Variants in COL20A1 observed in about 807,000 individuals in gnomAD.
The protein encoded by COL20A1 is collagen alpha-1(XX) chain.
COL20A1 carries 164 observed loss-of-function variants against 152.9 expected under a neutral mutation model. The ratio of observed to expected loss-of-function variants is 1.07; its 90% CI spans 0.94 to 1.22. The LOEUF is 1.22. Ranked by LOEUF, COL20A1 falls within the 50% of genes most tolerant of loss-of-function variation. COL20A1 has a pLI of 0.00. For missense variants in COL20A1, 1,873 were observed against 1,744.8 expected (o/e 1.07, Z -1.31); for synonymous variants, 864 against 756.0 (o/e 1.14, Z -2.34).
At chr20:63,301,534 T>C (rs2067863417) in intron 3 of COL20A1, among the ~76,000 whole-genome samples, 2 of 152,252 alleles carry the variant, frequency 1.3e-5, no homozygotes, top group Admixed American at 6.5e-5. Context: ...ATTCTAATTG[T>C]AGATGTGTCT....
chr20:63,311,416 G>C lies in COL20A1; in HGVS notation c.1416G>C (p.Ala472=). 1 of 1,579,590 alleles carries C rather than the reference G, an allele frequency of 6.3e-7. No homozygotes were observed. Residue 472 remains alanine, a synonymous_variant, in exon 12 of 36, where the codon GCG becomes GCC. Transcript: ENST00000358894. The surrounding 1 kb of genome is among the most constrained non-coding windows in gnomAD (Gnocchi z 4.4). The stretch of plus-strand genomic sequence containing the variant: ...CAGCACCTCTGCCTCCGCCCCGGGC[G>C]CTGACCCTGGCCGCAGTGACGCCCA... ...VTTAPLPPPR[A]LTLAAVTPRT...
chr20:63,307,828 A>C (rs1458694767), intron 6 of COL20A1, 143 bp from the exon 7 acceptor site: 1 of 1,200,828 alleles, frequency 8.3e-7, no homozygotes, highest in African/African-American at 1.5e-5. Context: ...CTGGCTCTGC[A>C]AGCGTCCTCT....
In COL20A1 at chr20:63,307,956, G is replaced by GC. The variant is rs758627211; in HGVS notation, c.656-11dup. 35 of 1,611,124 alleles carry GC rather than the reference G, an allele frequency of 2.2e-5. No homozygotes were observed. The Middle Eastern group carries it at 5.0e-4, about 23-fold the overall frequency. Reference sequence around the variant, plus strand: ...CATTGGAAACTCAGCCCGTGGCCATGCCCCTGCTCCCCAGGCCTGACTCAG... The same window carrying GC: ...CATTGGAAACTCAGCCCGTGGCCATGCCCCCTGCTCCCCAGGCCTGACTCAG... On this transcript the variant is annotated splice_polypyrimidine_tract_variant and intron_variant, in intron 6 of 35. Coordinates refer to ENST00000358894, the MANE Select transcript of COL20A1 (RefSeq NM_020882.4).
rs1288993953 is a variant in COL20A1, at chr20:63,331,458, C to T, written c.*742C>T. The T allele has an allele frequency of 2.0e-4, 31 of 152,360 alleles. No homozygotes were observed. The highest frequency in any genetic ancestry group is 2.0e-3 in the Admixed American group (31 of 15,290). 9.4% of individuals were successfully genotyped at this position (152,360 alleles called of 1,614,324 possible). ...GACTTGGCACCATCAGCCCCTGGTC[C>T]TTAGGGTCTCAGAGCAAGGTCATCC... is the stretch of plus-strand genomic sequence containing the variant. On this transcript the variant is annotated 3_prime_UTR_variant, in exon 36 of 36. Transcript: ENST00000358894.
chr20:63,309,268 C>T, intron 8 of COL20A1, 65 bp from the exon 9 acceptor site: 3 of 1,289,054 alleles, frequency 2.3e-6, no homozygotes, highest in Non-Finnish European at 3.0e-6. Context: ...TGGAGACCCC[C>T]ACCGCAGGTG....
At chr20:63,298,090 C>G in intron 3 of COL20A1, 70 bp downstream of exon 3, 1 of 1,047,028 alleles carries the variant, frequency 9.6e-7, no homozygotes, top group East Asian at 2.5e-5. Context: ...GTGGTGGCCG[C>G]AGCCACCACT....
intron 27 of COL20A1, chr20:63,324,958 C>A (rs1405351620): frequency 3.9e-6 from 1 of 257,522 alleles, no homozygotes; most frequent in African/African-American, 2.3e-5. Context: ...TTCTGCAGCG[C>A]CCCCCACACC....
At chr20:63,296,945 C>T (rs1008127852) in intron 2 of COL20A1, among the ~76,000 whole-genome samples, 7 of 152,206 alleles carry the variant, frequency 4.6e-5, no homozygotes, top group Admixed American at 6.5e-5. Context: ...TGCAGAGCCC[C>T]GGAAGCTTTC....
chr20:63,311,825 A>T lies in COL20A1; in HGVS notation c.1663+77A>T. ...TCCTCAGCCTTCCATGGCATGGGAGACCTCAGGCCCCCTCGGTCCCAGCCA... is the reference window on the plus strand; with the variant it reads ...TCCTCAGCCTTCCATGGCATGGGAGTCCTCAGGCCCCCTCGGTCCCAGCCA... On this transcript the variant is annotated intron_variant, in intron 13 of 35. Coordinates refer to ENST00000358894, the MANE Select transcript of COL20A1 (RefSeq NM_020882.4). The surrounding 1 kb of genome is among the most constrained non-coding windows in gnomAD (Gnocchi z 4.4). 1 of 1,521,512 alleles carries T rather than the reference A, an allele frequency of 6.6e-7. No homozygotes were observed. Among genetic ancestry groups the T allele is most frequent in the Non-Finnish European group, 8.8e-7 (1 of 1,137,242 alleles). 94.3% of individuals were successfully genotyped at this position (1,521,512 alleles called of 1,614,324 possible). A position where few individuals can be genotyped will look rare whatever the true frequency, so the allele number is the denominator to read the frequency against.
intron 31 of COL20A1, chr20:63,327,622 G>T: frequency 5.6e-6 from 2 of 355,490 alleles, no homozygotes; most frequent in Non-Finnish European, 1.1e-5. Context: ...CCCGGGCCCG[G>T]GGCCCGGGAG....
intron 35 of COL20A1, among the ~76,000 whole-genome samples, chr20:63,330,377 T>C (rs1157101807): frequency 6.6e-6 from 1 of 152,042 alleles, no homozygotes; most frequent in Non-Finnish European, 1.5e-5. Context: ...CTAGGAGGGC[T>C]GAGGAGCACA....
chr20:63,319,995 C>T lies in COL20A1; in HGVS notation c.2917-44C>T, dbSNP rs372941144. The T allele has an allele frequency of 1.7e-5, 26 of 1,540,812 alleles. No homozygotes were observed. The Admixed American group carries it at 2.4e-4, about 14-fold the overall frequency. On this transcript the variant is annotated intron_variant, in intron 23 of 35. Transcript: ENST00000358894. This position sits in a 1 kb window ranked among gnomAD's most constrained non-coding sequence, Gnocchi z 4.4. ...TGGCCTTGGGGGCTCAGGTGGGCAC[C>T]GGCCCCGCCTGGGCTGTGGAGAACC...
chr20:63,311,686 T>C lies in COL20A1; in HGVS notation c.1601T>C (p.Val534Ala). The change falls in exon 13 of 36, where the codon GTC (valine) becomes GCC (alanine). Residue 534 changes from valine to alanine, a missense_variant. Physicochemically the swap from Val to Ala is moderately conservative, Grantham distance 64. Transcript: ENST00000358894. This position sits in a 1 kb window ranked among gnomAD's most constrained non-coding sequence, Gnocchi z 4.4. ...DGLEPGRDYE[V>A]SVQSLRGPEG... is the part of the protein sequence containing the mutation. ...CTGGAACCTGGCAGGGACTATGAGG[T>C]CTCGGTGCAGAGCCTGCGAGGCCCT... 1.9e-6 allele frequency: 3 copies of C among 1,607,242 alleles called. No individual in the cohort carries two copies. Among genetic ancestry groups the C allele is most frequent in the Non-Finnish European group, 2.5e-6 (3 of 1,179,148 alleles).
chr20:63,300,641 CTTGG>C (rs1412469108), intron 3 of COL20A1, among the ~76,000 whole-genome samples: 4 of 151,998 alleles, frequency 2.6e-5, no homozygotes, highest in South Asian at 2.1e-4. Context: ...CACATTTTGG[CTTGG>C]TTGGTCTGTC....
Position 63,297,964 on chromosome 20 carries a change from GGA to G in COL20A1, c.143_144del (p.Glu48ValfsTer31), listed in dbSNP as rs781011935. 3.7e-6 allele frequency: 6 copies of G among 1,613,074 alleles called. No homozygotes were observed. In the Admixed American group the frequency reaches 8.3e-5, roughly 22 times the overall value. ...CCTGAGGACCGGCTGCAGATGAAGTGGAGAGAGTCGGAGGGGAGCGGCCTCGG... is the reference window on the plus strand; with the variant it reads ...CCTGAGGACCGGCTGCAGATGAAGTGGAGAGTCGGAGGGGAGCGGCCTCGG... On this transcript the variant is annotated frameshift_variant, in exon 3 of 36. Coordinates refer to ENST00000358894, the MANE Select transcript of COL20A1 (RefSeq NM_020882.4). LOFTEE classifies it high-confidence loss of function.
Position 63,326,789 on chromosome 20 carries a change from G to T in COL20A1, c.3494G>T (p.Gly1165Val). 6.7e-7 allele frequency: 1 copy of T among 1,501,202 alleles called. No individual in the cohort carries two copies. Among genetic ancestry groups the T allele is most frequent in the Non-Finnish European group, 8.8e-7 (1 of 1,137,154 alleles). 93.0% of individuals were successfully genotyped at this position (1,501,202 alleles called of 1,614,324 possible). A position where few individuals can be genotyped will look rare whatever the true frequency, so the allele number is the denominator to read the frequency against. Reference protein sequence around the residue: ...QGMAGARGTSGERGPPGTVGP... With the variant: ...QGMAGARGTSVERGPPGTVGP... ...ATGGCAGGGGCCAGGGGCACTAGTG[G>T]AGAGCGAGGACCTCCAGGGACCGTG... is the stretch of plus-strand genomic sequence containing the variant. Residue 1165 changes from glycine to valine, a missense_variant, in exon 31 of 36, where the codon GGA becomes GTA. Gly to Val is a moderately radical substitution (Grantham distance 109). Coordinates refer to ENST00000358894, the MANE Select transcript of COL20A1 (RefSeq NM_020882.4).
chr20:63,305,543 C>G lies in COL20A1; in HGVS notation c.320C>G (p.Ala107Gly), dbSNP rs371961933. The G allele has an allele frequency of 6.2e-7, 1 of 1,600,880 alleles. No individual in the cohort carries two copies. The highest frequency in any genetic ancestry group is 8.5e-7 in the Non-Finnish European group (1 of 1,174,798). Residue 107 changes from alanine (A) to glycine (G), a missense_variant, in exon 4 of 36, where the codon GCT becomes GGT. Transcript: ENST00000358894. This position sits in a 1 kb window ranked among gnomAD's most constrained non-coding sequence, Gnocchi z 4.9. ...ACTGGCTCTGGGCGCTTCCTGCTAG[C>G]TCGGAGGGAGTTTGTGAGTAAGTCC... ...ELTGSGRFLL[A>G]RREFVIEDLK...
intron 1 of COL20A1, among the ~76,000 whole-genome samples, chr20:63,294,634 T>C (rs1419763525): frequency 6.6e-6 from 1 of 152,120 alleles, no homozygotes; most frequent in Non-Finnish European, 1.5e-5. Flanking sequence ...TGATGACCCT[T>C]CCGCCTCCAG....
intron 20 of COL20A1, 95 bp from the exon 21 acceptor site, chr20:63,316,458 C>T (rs924904799): frequency 2.9e-6 from 3 of 1,030,998 alleles, no homozygotes; most frequent in African/African-American, 3.3e-5. Context: ...ACTGCAGCCC[C>T]TGGGTCCCTC....
Sources: gnomAD v4.1 joint callset for allele counts (sites outside exome capture counted in the v4.1 genomes callset) on GRCh38, gnomAD v4.1.1 for gene constraint, Gnocchi (gnomAD v3.1) non-coding constraint, MANE v1.5 for transcripts, NCBI Gene and HGNC (gene_info 2026-07-23, HGNC 2026-07-21) for gene names.